Variants in ZCRB1 observed in about 807,000 individuals in gnomAD.
The protein encoded by ZCRB1 is zinc finger CCHC-type and RNA-binding motif-containing protein 1.
Under a neutral mutation model 29.9 loss-of-function variants are expected in ZCRB1, and 21 were observed. That is an observed-to-expected ratio of 0.70 (90% confidence interval 0.50 to 1.01). The LOEUF is 1.01. Ranked by LOEUF, ZCRB1 falls within the 50% of genes least tolerant of loss-of-function variation. ZCRB1 has a pLI of 0.00. For missense variants in ZCRB1, 204 were observed against 253.3 expected (o/e 0.81, Z 1.32); for synonymous variants, 77 against 80.0 (o/e 0.96, Z 0.20).
rs145298768 is a variant in ZCRB1, at chr12:42,324,036, T to C, written c.67A>G (p.Asn23Asp). The C allele has an allele frequency of 6.2e-7, 1 of 1,614,100 alleles. No homozygotes were observed. ...YVSNLPFSLTNNDLYRIFSKY... is the reference protein window; with the variant it reads ...YVSNLPFSLTDNDLYRIFSKY... ...TTACTTACCCGGTACAAGTCATTGT[T>C]TGTCAGGGAAAAAGGCAAGTTGGAT... The change falls in exon 2 of 8, where the codon AAC becomes GAC. Residue 23 changes from asparagine (N) to aspartate (D), a missense_variant. Transcript: ENST00000266529.
At chr12:42,319,868 G>T (rs1328519684) in intron 3 of ZCRB1, among the ~76,000 whole-genome samples, 1 of 152,172 alleles carries the variant, frequency 6.6e-6, no homozygotes, top group Non-Finnish European at 1.5e-5. Context: ...AGTACATTGT[G>T]TGTGTTCATT....
chr12:42,318,230 G>C (rs2068604270), intron 3 of ZCRB1, among the ~76,000 whole-genome samples: 1 of 151,806 alleles, frequency 6.6e-6, no homozygotes, highest in Non-Finnish European at 1.5e-5. Flanking sequence ...ACAAAATAAA[G>C]GTATACTTTA....
chr12:42,318,130 G>A (rs960594611), intron 3 of ZCRB1, among the ~76,000 whole-genome samples: 2 of 152,012 alleles, frequency 1.3e-5, no homozygotes, highest in Non-Finnish European at 2.9e-5. Context: ...GAGATTGAAG[G>A]GTGAAGTAAA....
At chr12:42,315,662 A>G (rs2068591367) in intron 5 of ZCRB1, among the ~76,000 whole-genome samples, 1 of 152,236 alleles carries the variant, frequency 6.6e-6, no homozygotes, top group Non-Finnish European at 1.5e-5. Flanking sequence ...ATGGATCCAT[A>G]AACCAAAAGG....
Position 42,313,051 on chromosome 12 carries a change from G to A in ZCRB1, c.*16C>T, listed in dbSNP as rs2068577261. On this transcript the variant is annotated 3_prime_UTR_variant, in exon 8 of 8. Coordinates refer to ENST00000266529, the MANE Select transcript of ZCRB1 (RefSeq NM_033114.4). ...CTAACAAATCTTGATTTTTATTACTGTGCTGGGGCAAGATTTTAATCACTA... is the reference window on the plus strand; with the variant it reads ...CTAACAAATCTTGATTTTTATTACTATGCTGGGGCAAGATTTTAATCACTA... The A allele has an allele frequency of 3.8e-6, 6 of 1,574,808 alleles. No individual in the cohort carries two copies. The highest frequency in any genetic ancestry group is 5.2e-6 in the Non-Finnish European group (6 of 1,164,082).
intron 3 of ZCRB1, 104 bp downstream of exon 3, chr12:42,322,309 TTATTA>T: frequency 1.9e-6 from 2 of 1,079,698 alleles, no homozygotes; most frequent in East Asian, 3.1e-5. Context: ...AGTATTTTCT[TTATTA>T]TATCAAGCAT....
At position 42,323,974 on chromosome 12, in the gene ZCRB1, G is replaced by A. The variant is rs750011262; in HGVS notation, c.84+45C>T. On this transcript the variant is annotated intron_variant, in intron 2 of 7. Transcript: ENST00000266529. ...TGCCAGGGAGAACTATTTGCTTAAG[G>A]TTATCTGTATCTCAAATAGCAGTCA... The A allele has an allele frequency of 3.3e-6, 5 of 1,508,136 alleles. No individual in the cohort carries two copies. In the South Asian group the frequency reaches 5.7e-5, roughly 17 times the overall value. The allele number at this position is 1,508,136 out of a possible 1,614,324, so 93.4% of individuals were successfully genotyped here. A position where few individuals can be genotyped will look rare whatever the true frequency, so the allele number is the denominator to read the frequency against.
intron 7 of ZCRB1, 147 bp from the exon 8 acceptor site, chr12:42,313,345 C>T (rs1404586964): frequency 3.4e-6 from 3 of 874,382 alleles, no homozygotes; most frequent in Middle Eastern, 3.1e-4. Flanking sequence ...CTCCCTTCCC[C>T]TGAGTTCTGT....
At position 42,322,431 on chromosome 12, in the gene ZCRB1, C is replaced by A; in HGVS notation, c.100G>T (p.Gly34Cys). The A allele has an allele frequency of 1.3e-6, 2 of 1,485,604 alleles. No individual in the cohort carries two copies. The highest frequency in any genetic ancestry group is 1.8e-6 in the Non-Finnish European group (2 of 1,100,388). The allele number at this position is 1,485,604 out of a possible 1,614,324, so 92.0% of individuals were successfully genotyped here. A position where few individuals can be genotyped will look rare whatever the true frequency, so the allele number is the denominator to read the frequency against. The change falls in exon 3 of 8, where the codon GGC becomes TGC. Residue 34 changes from glycine (G) to cysteine (C), a missense_variant. Coordinates refer to ENST00000266529, the MANE Select transcript of ZCRB1 (RefSeq NM_033114.4). ...GTGAATACTTACTTTACAACTTTGC[C>A]ATACTTGGAAAATATCTGAAACAAA... ...NDLYRIFSKYGKVVKVTIMKD... is the reference protein window; with the variant it reads ...NDLYRIFSKYCKVVKVTIMKD...
intron 3 of ZCRB1, among the ~76,000 whole-genome samples, chr12:42,320,539 C>G (rs12582924): frequency 0.15 from 22,900 of 152,040 alleles, 1,801 homozygotes; most frequent in Admixed American, 0.2. Flanking sequence ...CCATCCGCCT[C>G]CTGGGTTCAA....
chr12:42,324,723 G>C (rs2068660560), intron 1 of ZCRB1, among the ~76,000 whole-genome samples: 1 of 152,220 alleles, frequency 6.6e-6, no homozygotes, highest in Non-Finnish European at 1.5e-5. Context: ...TTCAGTGCCA[G>C]ATTGTATGGG....
chr12:42,317,596 T>C lies in ZCRB1; in HGVS notation c.226-149A>G, dbSNP rs560361022. The C allele has an allele frequency of 6.1e-6, 5 of 823,016 alleles. No individual in the cohort carries two copies. The African/African-American group carries it at 8.6e-5, about 14-fold the overall frequency. The allele number at this position is 823,016 out of a possible 1,614,324, so 51.0% of individuals were successfully genotyped here. On this transcript the variant is annotated intron_variant, in intron 4 of 7. Transcript: ENST00000266529. ...GTGTGATAAATTCTATTCTGTAGTA[T>C]TCTTATTCCTGAGATTCCACCAATG...
Position 42,312,838 on chromosome 12 carries a change from G to A in ZCRB1, c.*229C>T. The A allele has an allele frequency of 3.1e-6, 1 of 319,998 alleles. No homozygotes were observed. Among genetic ancestry groups the A allele is most frequent in the East Asian group, 5.9e-5 (1 of 17,056 alleles). 19.8% of individuals were successfully genotyped at this position (319,998 alleles called of 1,614,324 possible). On this transcript the variant is annotated 3_prime_UTR_variant, in exon 8 of 8. Coordinates refer to ENST00000266529, the MANE Select transcript of ZCRB1 (RefSeq NM_033114.4). Reference sequence around the variant, plus strand: ...AAATCATTCAACTTTTCGGTCTTCAGGAAGTTTGTTTTAAGGATTAATTTC... The same window carrying A: ...AAATCATTCAACTTTTCGGTCTTCAAGAAGTTTGTTTTAAGGATTAATTTC...
intron 7 of ZCRB1, 90 bp downstream of exon 7, chr12:42,313,600 G>C: frequency 2.2e-6 from 3 of 1,355,556 alleles, no homozygotes; most frequent in Non-Finnish European, 3.1e-6. Context: ...GGGAAAAAGA[G>C]AGGTTGCCAT....
chr12:42,326,030 G>A lies in ZCRB1; in HGVS notation c.-109C>T, dbSNP rs2068720546. The A allele has an allele frequency of 6.6e-6, 1 of 152,366 alleles. No homozygotes were observed. Among genetic ancestry groups the A allele is most frequent in the African/African-American group, 2.4e-5 (1 of 41,470 alleles). 9.4% of individuals were successfully genotyped at this position (152,366 alleles called of 1,614,324 possible). On this transcript the variant is annotated 5_prime_UTR_variant, in exon 1 of 8. Transcript: ENST00000266529. ...GCTCGCAGCGGCCTTGGCATCACGAGTCCTGGGAGGGGTCAGGCGCGGAGA... is the reference window on the plus strand; with the variant it reads ...GCTCGCAGCGGCCTTGGCATCACGAATCCTGGGAGGGGTCAGGCGCGGAGA...
chr12:42,322,598 G>A, intron 2 of ZCRB1, 152 bp from the exon 3 acceptor site: 2 of 678,566 alleles, frequency 2.9e-6, no homozygotes, highest in Non-Finnish European at 4.4e-6. Context: ...AGTTTTTTTT[G>A]GTTACTAGAA....
chr12:42,317,741 A>G (rs2068601473), intron 4 of ZCRB1, 46 bp downstream of exon 4: 2 of 1,569,136 alleles, frequency 1.3e-6, no homozygotes, highest in Non-Finnish European at 8.7e-7. Flanking sequence ...CTGGATGAGC[A>G]TAAAGGCTTT....
In ZCRB1 at chr12:42,319,172, C is replaced by A. The variant is rs142490003; in HGVS notation, c.114-1274G>T. 2.0e-3 allele frequency among the ~76,000 whole-genome samples: 300 copies of A among 152,210 alleles called. 1 individual carries two copies. The highest frequency in any genetic ancestry group is 3.4e-3 in the Non-Finnish European group (230 of 68,002). On this transcript the variant is annotated intron_variant, in intron 3 of 7. Transcript: ENST00000266529. ...AAGAAGTATTGGCTTTCTACATCATCCTCAATTAATGATCTCTCATCTGTT... is the reference window on the plus strand; with the variant it reads ...AAGAAGTATTGGCTTTCTACATCATACTCAATTAATGATCTCTCATCTGTT...
chr12:42,319,633 G>C (rs979817226), intron 3 of ZCRB1, among the ~76,000 whole-genome samples: 2 of 152,152 alleles, frequency 1.3e-5, no homozygotes, highest in African/African-American at 2.4e-5. Flanking sequence ...CAATGTGTCA[G>C]TTTCTAATAG....
Sources: allele counts gnomAD v4.1 joint callset (sites outside exome capture counted in the v4.1 genomes callset), GRCh38; gene constraint gnomAD v4.1.1; transcripts MANE v1.5; gene names NCBI Gene and HGNC (gene_info 2026-07-23, HGNC 2026-07-21).